Variants in ARHGAP44 observed in about 807,000 individuals in gnomAD.
ARHGAP44 encodes rho GTPase-activating protein 44.
In ARHGAP44, 43 loss-of-function variants were observed where a neutral mutation model predicts 106.8. The observed-to-expected ratio is 0.40, with a 90% CI of 0.32 to 0.52. ARHGAP44 has a LOEUF of 0.52. Among genes scored for constraint, ARHGAP44 ranks in the 20% least tolerant of loss-of-function variants. ARHGAP44 has a pLI of 0.48. For missense variants in ARHGAP44, 866 were observed against 1,050.5 expected (o/e 0.82, Z 2.43); for synonymous variants, 439 against 410.3 (o/e 1.07, Z -0.85).
At chr17:12,895,078 C>A in intron 2 of ARHGAP44, 99 bp downstream of exon 2, 2 of 1,153,172 alleles carry the variant, frequency 1.7e-6, no homozygotes, top group Non-Finnish European at 2.5e-6. Context: ...TTGTAGTTAG[C>A]CGGGATCGTG....
chr17:12,814,308 T>G (rs1280714538), intron 1 of ARHGAP44, among the ~76,000 whole-genome samples: 1 of 145,976 alleles, frequency 6.9e-6, no homozygotes, highest in Admixed American at 6.9e-5. Flanking sequence ...TGGCGTGATC[T>G]CGGCTCACTG....
intron 7 of ARHGAP44, 80 bp downstream of exon 7, chr17:12,929,126 C>G (rs2038329524): frequency 3.8e-6 from 5 of 1,300,508 alleles, no homozygotes; most frequent in Non-Finnish European, 5.4e-6. Context: ...CTGGAGTTCT[C>G]TTAAAACTCT....
chr17:12,814,097 C>T (rs1384231476), intron 1 of ARHGAP44, among the ~76,000 whole-genome samples: 1 of 150,962 alleles, frequency 6.6e-6, no homozygotes, highest in Non-Finnish European at 1.5e-5. Flanking sequence ...TAATTCATCT[C>T]CCTTTTTGAT....
intron 18 of ARHGAP44, among the ~76,000 whole-genome samples, chr17:12,978,056 A>AAAAAAAAAAAAAT (rs71144940): frequency 6.7e-6 from 1 of 149,108 alleles, no homozygotes; most frequent in African/African-American, 2.5e-5. Context: ...AAAAAAAAAA[A>AAAAAAAAAAAAAT]GTGTGTTTCG....
intron 1 of ARHGAP44, among the ~76,000 whole-genome samples, chr17:12,804,965 A>C (rs986562156): frequency 6.6e-6 from 1 of 152,112 alleles, no homozygotes; most frequent in African/African-American, 2.4e-5. Context: ...TCTGGTGTCC[A>C]CTATATCTGC....
chr17:12,990,201 A>T lies in ARHGAP44; in HGVS notation c.*30A>T. 1.3e-6 allele frequency: 2 copies of T among 1,593,816 alleles called. No homozygotes were observed. Among genetic ancestry groups the T allele is most frequent in the Admixed American group, 3.4e-5 (2 of 59,610 alleles). On this transcript the variant is annotated 3_prime_UTR_variant, in exon 21 of 21. Transcript: ENST00000379672. ...ACACCGCCCATCCTGCCTCGCGTGTACATACATCACGGGCCCTAGGAACGC... is the reference window on the plus strand; with the variant it reads ...ACACCGCCCATCCTGCCTCGCGTGTTCATACATCACGGGCCCTAGGAACGC...
At chr17:12,816,889 A>C (rs2034613317) in intron 1 of ARHGAP44, among the ~76,000 whole-genome samples, 1 of 152,186 alleles carries the variant, frequency 6.6e-6, no homozygotes, top group Admixed American at 6.5e-5. Context: ...GAAGAACTGA[A>C]CAACACTGTA....
chr17:12,988,208 A>G (rs2040008092), intron 20 of ARHGAP44: 1 of 152,250 alleles, frequency 6.6e-6, no homozygotes, highest in South Asian at 2.1e-4. Flanking sequence ...GGATAAAGGT[A>G]TGACAGCTCA....
At chr17:12,804,394 C>T (rs1226529963) in intron 1 of ARHGAP44, among the ~76,000 whole-genome samples, 1 of 152,174 alleles carries the variant, frequency 6.6e-6, no homozygotes, top group South Asian at 2.1e-4. Context: ...TCCATCAAGA[C>T]CCCATCTGGA....
rs553040761 is a variant in ARHGAP44 at position 12,933,941 on chromosome 17, C to T, written c.582+4895C>T. Reference sequence around the variant, plus strand: ...TCGGCTCACTGCAAGCTCCGCCTCCCGGGTTCATGCCATTCTCCTGCCTCA... The same window carrying T: ...TCGGCTCACTGCAAGCTCCGCCTCCTGGGTTCATGCCATTCTCCTGCCTCA... On this transcript the variant is annotated intron_variant, in intron 7 of 20. Coordinates refer to ENST00000379672, the MANE Select transcript of ARHGAP44 (RefSeq NM_014859.6). Among the ~76,000 whole-genome samples the T allele has an allele frequency of 2.4e-4, 37 of 151,834 alleles. 1 individual carries two copies. In the East Asian group the frequency reaches 5.5e-3, roughly 22 times the overall value.
At chr17:12,936,095 G>A (rs2038539494) in intron 7 of ARHGAP44, among the ~76,000 whole-genome samples, 1 of 152,024 alleles carries the variant, frequency 6.6e-6, no homozygotes, top group African/African-American at 2.4e-5. Flanking sequence ...ATACAAAGAG[G>A]CCTCCCATAT....
chr17:12,906,018 C>T (rs1420372442), intron 3 of ARHGAP44, among the ~76,000 whole-genome samples: 1 of 152,160 alleles, frequency 6.6e-6, no homozygotes, highest in Non-Finnish European at 1.5e-5. Flanking sequence ...GGATGTTTAG[C>T]AACATCCCTG....
At chr17:12,922,802 T>G (rs2038123443) in intron 6 of ARHGAP44, among the ~76,000 whole-genome samples, 1 of 152,148 alleles carries the variant, frequency 6.6e-6, no homozygotes, top group Non-Finnish European at 1.5e-5. Context: ...TTTCGCCATG[T>G]TGGCCAGGCT....
chr17:12,789,610 C>T lies in ARHGAP44; in HGVS notation c.-229C>T, dbSNP rs1009120738. 3 of 312,818 alleles carry T rather than the reference C, an allele frequency of 9.6e-6. No individual in the cohort carries two copies. The South Asian group carries it at 4.4e-4, about 46-fold the overall frequency. The allele number at this position is 312,818 out of a possible 1,614,324, so 19.4% of individuals were successfully genotyped here. On this transcript the variant is annotated 5_prime_UTR_variant, in exon 1 of 21. Coordinates refer to ENST00000379672, the MANE Select transcript of ARHGAP44 (RefSeq NM_014859.6). The stretch of plus-strand genomic sequence containing the variant: ...GCCCCAGGCATTGCTCTGCCCCGGG[C>T]ATTGCGCGGCGCGCGTGAGGGGGAT...
intron 6 of ARHGAP44, among the ~76,000 whole-genome samples, chr17:12,928,176 T>C (rs2038300342): frequency 6.6e-6 from 1 of 152,232 alleles, no homozygotes; most frequent in African/African-American, 2.4e-5. Flanking sequence ...ATGAGGAATC[T>C]AAATGTTGCC....
At chr17:12,865,943 A>C (rs2036228316) in intron 1 of ARHGAP44, among the ~76,000 whole-genome samples, 1 of 152,204 alleles carries the variant, frequency 6.6e-6, no homozygotes. Flanking sequence ...ATTACAAAGT[A>C]ATGACTGTTG....
chr17:12,903,056 C>T (rs2037420751), intron 3 of ARHGAP44, among the ~76,000 whole-genome samples: 1 of 128,680 alleles, frequency 7.8e-6, no homozygotes, highest in Non-Finnish European at 1.6e-5. Flanking sequence ...GGACAGTAGA[C>T]AAGAATTTTC....
At chr17:12,953,078 G>A (rs753933034) in intron 13 of ARHGAP44, among the ~76,000 whole-genome samples, 4 of 152,166 alleles carry the variant, frequency 2.6e-5, no homozygotes, top group Non-Finnish European at 5.9e-5. Flanking sequence ...AGACAGGTAG[G>A]TGTTGGTGGA....
rs377369518 is a variant in ARHGAP44, at chr17:12,929,059, T to C, written c.582+13T>C. Reference sequence around the variant, plus strand: ...GGAGATTTGCAGGGTACCTGCCCTCTTTGCTCCTCTCTACTGGGACAGGCT... The same window carrying C: ...GGAGATTTGCAGGGTACCTGCCCTCCTTGCTCCTCTCTACTGGGACAGGCT... On this transcript the variant is annotated intron_variant, in intron 7 of 20. Coordinates refer to ENST00000379672, the MANE Select transcript of ARHGAP44 (RefSeq NM_014859.6). 1.2e-6 allele frequency: 2 copies of C among 1,600,198 alleles called. No individual in the cohort carries two copies.
Sources: gnomAD v4.1 joint callset for allele counts (sites outside exome capture counted in the v4.1 genomes callset) on GRCh38, gnomAD v4.1.1 for gene constraint, MANE v1.5 for transcripts, NCBI Gene and HGNC (gene_info 2026-07-23, HGNC 2026-07-21) for gene names.